The following PPP1R36 variants were observed in gnomAD, a reference collection of about 807,000 sequenced individuals.
The protein encoded by PPP1R36 is chromosome 14 open reading frame 50.
A neutral mutation model predicts 53.4 loss-of-function variants in PPP1R36; 47 were observed. That is an observed-to-expected ratio of 0.88 (90% CI 0.70 to 1.12). The LOEUF (loss-of-function observed/expected upper bound fraction) is 1.12, where lower values mean the gene tolerates loss of function less well. Among genes scored for constraint, PPP1R36 ranks in the 50% most tolerant of loss-of-function variants. The pLI, the probability that PPP1R36 is intolerant of heterozygous loss-of-function variation, is 0.00. For missense variants in PPP1R36, 456 were observed against 513.9 expected, an observed-to-expected ratio of 0.89 and a Z score of 1.09; for synonymous variants, 153 against 170.5, an observed-to-expected ratio of 0.90 and a Z score of 0.80.
intron 11 of PPP1R36, 78 bp downstream of exon 11, chr14:64,588,373 C>T: frequency 7.9e-7 from 1 of 1,271,110 alleles, no homozygotes; most frequent in South Asian, 1.5e-5. Context: ...GGGGCCCAGG[C>T]ACCATGCCTC....
At chr14:64,551,702 T>C (rs778798990) in intron 2 of PPP1R36, 1 of 455,614 alleles carries the variant, frequency 2.2e-6, no homozygotes, top group Non-Finnish European at 4.4e-6. Flanking sequence ...GTAGCAGAAC[T>C]GATAGTTTGA....
At chr14:64,587,452 T>C (rs1197575939) in intron 10 of PPP1R36, 80 bp downstream of exon 10, 58 of 216,292 alleles carry the variant, frequency 2.7e-4, no homozygotes, top group African/African-American at 2.6e-3. Context: ...TTTCTCCTTT[T>C]TTTTTTTTTT....
At chr14:64,550,734 C>T (rs1433833728) in intron 1 of PPP1R36, among the ~76,000 whole-genome samples, 187 bp from the exon 2 acceptor site, 1 of 152,136 alleles carries the variant, frequency 6.6e-6, no homozygotes, top group Non-Finnish European at 1.5e-5. Context: ...TCAAGTTTAA[C>T]GCTTTAGGAT....
chr14:64,588,722 G>A (rs138141993), intron 11 of PPP1R36, among the ~76,000 whole-genome samples: 2,686 of 151,904 alleles, frequency 0.018, 69 homozygotes, highest in African/African-American at 0.062. Context: ...CACCACGCCC[G>A]GCTAGTTTTG....
At chr14:64,584,026 C>G (rs192061061) in intron 8 of PPP1R36, among the ~76,000 whole-genome samples, 2 of 151,170 alleles carry the variant, frequency 1.3e-5, no homozygotes, top group Admixed American at 1.3e-4. Context: ...CTCAGCCTCC[C>G]GAGTAGCTGG....
chr14:64,558,215 G>C (rs890042744), intron 3 of PPP1R36, among the ~76,000 whole-genome samples: 1 of 152,162 alleles, frequency 6.6e-6, no homozygotes, highest in Non-Finnish European at 1.5e-5. Flanking sequence ...CTTCAGGAAG[G>C]CTGTAGGGTA....
chr14:64,551,012 G>C, intron 2 of PPP1R36, 27 bp downstream of exon 2: 1 of 1,491,796 alleles, frequency 6.7e-7, no homozygotes, highest in Non-Finnish European at 9.3e-7. Flanking sequence ...CTTTATTAGA[G>C]TTTTTATAAA....
chr14:64,588,091 T>C lies in PPP1R36; in HGVS notation c.891-13T>C. On this transcript the variant is annotated splice_polypyrimidine_tract_variant and intron_variant, in intron 10 of 11. Transcript: ENST00000298705. ...GGGTGATATGACCTAAATGTCACCT[T>C]CCTCCCCGACAGGAGAATGATGGCA... is the stretch of plus-strand genomic sequence containing the variant. 4 of 1,585,740 alleles carry C rather than the reference T, an allele frequency of 2.5e-6. No individual in the cohort carries two copies. The South Asian group carries it at 4.6e-5, about 18-fold the overall frequency.
chr14:64,565,789 G>A, intron 6 of PPP1R36, 97 bp downstream of exon 6: 2 of 938,614 alleles, frequency 2.1e-6, no homozygotes, highest in East Asian at 2.5e-5. Flanking sequence ...TAGAGGAAGA[G>A]CGTGAGGCTG....
chr14:64,568,488 G>A, intron 7 of PPP1R36, 41 bp downstream of exon 7: 2 of 903,444 alleles, frequency 2.2e-6, no homozygotes, highest in South Asian at 1.8e-5. Context: ...TTTTATCACT[G>A]CCAGTATTAA....
intron 3 of PPP1R36, among the ~76,000 whole-genome samples, chr14:64,557,609 T>C (rs2080166957): frequency 6.6e-6 from 1 of 152,230 alleles, no homozygotes; most frequent in South Asian, 2.1e-4. Flanking sequence ...TACATTACAA[T>C]TGGCTTGATA....
chr14:64,560,441 G>GAAAA (rs71123862), intron 3 of PPP1R36, among the ~76,000 whole-genome samples: 1 of 117,982 alleles, frequency 8.5e-6, no homozygotes. Flanking sequence ...CCTATCTCAA[G>GAAAA]AAAAAAAAAA....
chr14:64,574,707 T>A, intron 8 of PPP1R36, 118 bp downstream of exon 8: 3 of 1,115,618 alleles, frequency 2.7e-6, no homozygotes, highest in Non-Finnish European at 3.8e-6. Context: ...TTGTCCAGAG[T>A]AATTGGGCTC....
At chr14:64,553,734 T>C (rs1475950999) in intron 3 of PPP1R36, among the ~76,000 whole-genome samples, 6 of 150,520 alleles carry the variant, frequency 4.0e-5, no homozygotes, top group African/African-American at 1.5e-4. Context: ...TTGATCTGGG[T>C]GGTAGCTTTA....
At chr14:64,573,913 C>CAAAAAAAAAAAAAA (rs35427371) in intron 7 of PPP1R36, among the ~76,000 whole-genome samples, 1 of 32,536 alleles carries the variant, frequency 3.1e-5, no homozygotes, top group Non-Finnish European at 4.9e-5. Flanking sequence ...GACTCTGTCT[C>CAAAAAAAAAAAAAA]AAAAAAAAAA....
intron 1 of PPP1R36, 78 bp from the exon 2 acceptor site, chr14:64,550,843 T>C (rs2080088636): frequency 7.6e-6 from 8 of 1,054,370 alleles, no homozygotes; most frequent in East Asian, 2.4e-5. Flanking sequence ...GTAGGAATTA[T>C]TGTTAAAGGT....
At chr14:64,584,584 C>T (rs1176579174) in intron 8 of PPP1R36, among the ~76,000 whole-genome samples, 1 of 152,176 alleles carries the variant, frequency 6.6e-6, no homozygotes, top group Non-Finnish European at 1.5e-5. Context: ...CTCTGTTGTT[C>T]AGTACGTTTA....
chr14:64,587,662 A>G (rs1394861747), intron 10 of PPP1R36, among the ~76,000 whole-genome samples: 1 of 151,194 alleles, frequency 6.6e-6, no homozygotes, highest in Non-Finnish European at 1.5e-5. Flanking sequence ...GAGTTTCACC[A>G]TGTTGGTCAA....
chr14:64,550,816 A>T (rs1441346873), intron 1 of PPP1R36, 105 bp from the exon 2 acceptor site: 4 of 805,542 alleles, frequency 5.0e-6, no homozygotes, highest in Non-Finnish European at 7.9e-6. Context: ...CTTATTACTT[A>T]AAAGATGTGT....
Sources: allele counts gnomAD v4.1 joint callset (sites outside exome capture counted in the v4.1 genomes callset), GRCh38; gene constraint gnomAD v4.1.1; transcripts MANE v1.5; gene names NCBI Gene and HGNC (gene_info 2026-07-23, HGNC 2026-07-21).